Variants in CEP83 observed in about 807,000 individuals in gnomAD.
CEP83 encodes centrosomal protein of 83 kDa.
Under a neutral mutation model 101.9 loss-of-function variants are expected in CEP83, and 70 were observed. The observed-to-expected ratio is 0.69, with a 90% confidence interval of 0.57 to 0.84. The LOEUF (loss-of-function observed/expected upper bound fraction) is 0.84. Ranked by LOEUF, CEP83 falls within the 40% of genes least tolerant of loss-of-function variation. CEP83 has a pLI of 0.00. For missense variants in CEP83, 715 were observed against 787.2 expected (o/e 0.91, Z 1.10); for synonymous variants, 264 against 267.9 (o/e 0.99, Z 0.14).
chr12:94,300,929 G>A, the CEP83 span: 6 of 1,612,792 alleles, frequency 3.7e-6, no homozygotes, highest in African/African-American at 2.7e-5. Context: ...TCGCTTCTGG[G>A]TAAACATCCT....
At chr12:94,290,371 C>T in the CEP83 span, among the ~76,000 whole-genome samples, 1 of 152,160 alleles carries the variant, frequency 6.6e-6, no homozygotes, top group Non-Finnish European at 1.5e-5. Flanking sequence ...GAAAAATCAG[C>T]CAGCAAACAA....
intron 2 of CEP83, among the ~76,000 whole-genome samples, chr12:94,415,872 A>T (rs1431770180): frequency 6.6e-6 from 1 of 152,148 alleles, no homozygotes; most frequent in African/African-American, 2.4e-5. Flanking sequence ...CATATGGAAG[A>T]CTATACCCTG....
At chr12:94,407,605 A>T (rs1244114829) in intron 4 of CEP83, among the ~76,000 whole-genome samples, 1 of 152,192 alleles carries the variant, frequency 6.6e-6, no homozygotes, top group Non-Finnish European at 1.5e-5. Flanking sequence ...GAGGTCTCTG[A>T]CAAAGCATCT....
rs1419870137 is a variant in CEP83 at position 94,333,626 on chromosome 12, A to C, written c.1433T>G (p.Leu478Trp). ...NSDLKQQISS[L>W]QIQVTSLAQS... is the part of the protein sequence containing the mutation. ...TGCAAGTGAAGTCACTTGGATCTGC[A>C]AACTACTGATTTGCTTAAAAGAGAA... Residue 478 changes from leucine to tryptophan, a missense_variant, in exon 13 of 17, where the codon TTG becomes TGG. Transcript: ENST00000397809. The C allele has an allele frequency of 2.5e-6, 4 of 1,612,668 alleles. No homozygotes were observed. Among genetic ancestry groups the C allele is most frequent in the East Asian group, 4.5e-5 (2 of 44,832 alleles).
chr12:94,354,145 T>G (rs575203267), intron 11 of CEP83, among the ~76,000 whole-genome samples: 1 of 152,016 alleles, frequency 6.6e-6, no homozygotes, highest in Non-Finnish European at 1.5e-5. Flanking sequence ...CAGACACTTG[T>G]AAAACATTTC....
rs192834379 is a variant in CEP83, at chr12:94,349,538, G to A, written c.1344-13874C>T. Among the ~76,000 whole-genome samples, 15 of 152,242 alleles carry A rather than the reference G, an allele frequency of 9.9e-5. No individual in the cohort carries two copies. In the East Asian group the frequency reaches 2.7e-3, roughly 27 times the overall value. On this transcript the variant is annotated intron_variant, in intron 11 of 16. Coordinates refer to ENST00000397809, the MANE Select transcript of CEP83 (RefSeq NM_016122.3). ...AAAAAAATGCATGATCATCTCAACT[G>A]ATGCAGAAAAAGCATTTGACAAAAT...
chr12:94,445,566 G>A (rs1029210117), intron 1 of CEP83, among the ~76,000 whole-genome samples: 2 of 152,002 alleles, frequency 1.3e-5, no homozygotes, highest in Non-Finnish European at 2.9e-5. Context: ...CCAGACTCAG[G>A]GGAAAAACTG....
At chr12:94,376,688 TATACAC>T (rs1348708005) in intron 7 of CEP83, among the ~76,000 whole-genome samples, 29 of 87,500 alleles carry the variant, frequency 3.3e-4, no homozygotes, top group African/African-American at 9.9e-4. Flanking sequence ...TATATACATA[TATACAC>T]ACACACACAC....
chr12:94,458,204 A>G (rs12315072), intron 1 of CEP83, among the ~76,000 whole-genome samples: 1 of 149,994 alleles, frequency 6.7e-6, no homozygotes, highest in South Asian at 2.2e-4. Context: ...TCTCAAAAAA[A>G]GAAAAAAAAA....
At chr12:94,392,092 G>T (rs2062581113) in intron 6 of CEP83, among the ~76,000 whole-genome samples, 1 of 152,086 alleles carries the variant, frequency 6.6e-6, no homozygotes, top group African/African-American at 2.4e-5. Flanking sequence ...GAGACAGAAG[G>T]TTAACAAAGA....
intron 2 of CEP83, among the ~76,000 whole-genome samples, chr12:94,433,563 C>T (rs1363092352): frequency 6.6e-6 from 1 of 151,844 alleles, no homozygotes; most frequent in Non-Finnish European, 1.5e-5. Flanking sequence ...TGCCTATGGT[C>T]CCAGCTACTC....
At chr12:94,305,234 C>T (rs1382331598), downstream of CEP83, 1 of 1,611,604 alleles carries the variant, frequency 6.2e-7, no homozygotes, top group East Asian at 2.2e-5. Context: ...AGAAACAACT[C>T]TTGCATGTAA....
At chr12:94,376,086 T>C in intron 7 of CEP83, 69 bp from the exon 8 acceptor site, 1 of 924,356 alleles carries the variant, frequency 1.1e-6, no homozygotes, top group Non-Finnish European at 1.5e-6. Context: ...TAAGCACTAT[T>C]TAAAATACAT....
intron 11 of CEP83, among the ~76,000 whole-genome samples, chr12:94,343,328 T>A (rs926178389): frequency 4.0e-5 from 6 of 151,708 alleles, no homozygotes; most frequent in Admixed American, 6.6e-5. Flanking sequence ...CGCCTTAAAT[T>A]TTTTGCACCC....
chr12:94,442,041 T>C (rs114719076), intron 1 of CEP83, among the ~76,000 whole-genome samples: 2,737 of 151,994 alleles, frequency 0.018, 74 homozygotes, highest in African/African-American at 0.062. Context: ...TGCATGTTTA[T>C]AGCAGCACAT....
intron 2 of CEP83, among the ~76,000 whole-genome samples, chr12:94,421,558 T>C (rs768324706): frequency 2.0e-5 from 3 of 152,196 alleles, no homozygotes; most frequent in Non-Finnish European, 4.4e-5. Context: ...ATTTCTCCTT[T>C]ATTCATGTGC....
At chr12:94,382,558 A>G (rs1387315275) in intron 6 of CEP83, among the ~76,000 whole-genome samples, 2 of 151,664 alleles carry the variant, frequency 1.3e-5, no homozygotes, top group East Asian at 3.9e-4. Flanking sequence ...GTATTTTTTG[A>G]AATGTAATCT....
At chr12:94,302,453 T>C (rs1968559624), downstream of CEP83, among the ~76,000 whole-genome samples, 1 of 152,208 alleles carries the variant, frequency 6.6e-6, no homozygotes, top group African/African-American at 2.4e-5. Flanking sequence ...TATGCCTACT[T>C]TGTGAACTTT....
chr12:94,444,637 A>T (rs1230986069), intron 1 of CEP83, among the ~76,000 whole-genome samples: 1 of 152,178 alleles, frequency 6.6e-6, no homozygotes, highest in Non-Finnish European at 1.5e-5. Flanking sequence ...TGGAGGATAG[A>T]ATCAGTTCTT....
Sources: gnomAD v4.1 joint callset for allele counts (sites outside exome capture counted in the v4.1 genomes callset) on GRCh38, gnomAD v4.1.1 for gene constraint, MANE v1.5 for transcripts, NCBI Gene and HGNC (gene_info 2026-07-23, HGNC 2026-07-21) for gene names.